Variants in CNTN6 observed in about 807,000 individuals in gnomAD.
CNTN6 encodes contactin-6.
Under a neutral mutation model 122.8 loss-of-function variants are expected in CNTN6, and 137 were observed. The ratio of observed to expected loss-of-function variants is 1.12; its 90% CI spans 0.97 to 1.29. The LOEUF is 1.29. CNTN6 is among the 50% of genes most tolerant of loss of function. CNTN6 has a pLI of 0.00. For synonymous variants in CNTN6, 570 were observed against 426.0 expected (o/e 1.34, Z -4.16); for missense variants, 1,634 against 1,223.4 (o/e 1.34, Z -5.01).
intron 20 of CNTN6, among the ~76,000 whole-genome samples, chr3:1,387,622 C>T (rs546164125): frequency 1.3e-5 from 2 of 152,194 alleles, no homozygotes; most frequent in East Asian, 1.9e-4. Context: ...AGTGAAGACG[C>T]GTGATTTCTG....
intron 11 of CNTN6, among the ~76,000 whole-genome samples, chr3:1,333,068 G>T (rs1702542807): frequency 6.6e-6 from 1 of 152,034 alleles, no homozygotes; most frequent in Admixed American, 6.6e-5. Context: ...ATTTGATTGA[G>T]TATGTATGTG....
At chr3:1,236,848 A>AG (rs962254445) in intron 4 of CNTN6, among the ~76,000 whole-genome samples, 22 of 152,260 alleles carry the variant, frequency 1.4e-4, no homozygotes, top group African/African-American at 4.6e-4. Context: ...TGGGAGGCTG[A>AG]GGCGGGTGGA....
chr3:1,285,979 T>C (rs1043808440), intron 5 of CNTN6, among the ~76,000 whole-genome samples: 4 of 152,178 alleles, frequency 2.6e-5, no homozygotes, highest in Non-Finnish European at 5.9e-5. Context: ...GTCAGCTCTC[T>C]AGAAAGTTTA....
At position 1,152,780 on chromosome 3, in the gene CNTN6, T is replaced by C. The variant is rs138349396; in HGVS notation, c.55+4717T>C. 4.3e-3 allele frequency among the ~76,000 whole-genome samples: 650 copies of C among 152,352 alleles called. 1 individual carries two copies. Among genetic ancestry groups the C allele is most frequent in the Non-Finnish European group, 7.1e-3 (480 of 68,040 alleles). On this transcript the variant is annotated intron_variant, in intron 2 of 22. Coordinates refer to ENST00000446702, the MANE Select transcript of CNTN6 (RefSeq NM_001289080.2). ...ATAATAGGTTGAATCGTGTGCTATA[T>C]CTGTTCTTATGAGTTAACCAGGGTT... is the stretch of plus-strand genomic sequence containing the variant.
chr3:1,119,354 G>GTGTGTGT (rs1339996215), intron 1 of CNTN6, among the ~76,000 whole-genome samples: 4 of 8,824 alleles, frequency 4.5e-4, no homozygotes, highest in African/African-American at 1.1e-3. Context: ...TGTGTGTGTG[G>GTGTGTGT]AGAATGTCTC....
At chr3:1,116,011 C>G (rs1395754927) in intron 1 of CNTN6, among the ~76,000 whole-genome samples, 1 of 152,066 alleles carries the variant, frequency 6.6e-6, no homozygotes, top group Non-Finnish European at 1.5e-5. Flanking sequence ...TATCTTGGAA[C>G]CATAGTGATA....
chr3:1,346,013 C>T (rs1704633343), intron 11 of CNTN6, among the ~76,000 whole-genome samples: 1 of 150,506 alleles, frequency 6.6e-6, no homozygotes, highest in Non-Finnish European at 1.5e-5. Context: ...AGAAATTTAG[C>T]TATTTCTAAT....
intron 5 of CNTN6, among the ~76,000 whole-genome samples, chr3:1,284,633 A>T (rs1352712250): frequency 1.3e-5 from 2 of 152,238 alleles, no homozygotes; most frequent in Non-Finnish European, 2.9e-5. Flanking sequence ...TAGCTCCATG[A>T]ATCTTATAAT....
intron 5 of CNTN6, among the ~76,000 whole-genome samples, chr3:1,294,872 C>T (rs559494383): frequency 3.3e-5 from 5 of 152,270 alleles, no homozygotes; most frequent in African/African-American, 7.2e-5. Context: ...TGGCAATTAG[C>T]AGTAACTGGT....
At chr3:1,157,899 A>G (rs575019615) in intron 2 of CNTN6, among the ~76,000 whole-genome samples, 1 of 152,256 alleles carries the variant, frequency 6.6e-6, no homozygotes, top group East Asian at 1.9e-4. Flanking sequence ...TTATCTGTTG[A>G]TGGATACTTA....
rs768652778 is a variant in CNTN6 at position 1,383,198 on chromosome 3, TTTTC to T, written c.2401+26_2401+29del. 2.5e-6 allele frequency: 4 copies of T among 1,605,456 alleles called. No individual in the cohort carries two copies. The East Asian group carries it at 8.9e-5, about 36-fold the overall frequency. ...GATGGTAAGTTGTCCTCAACTCTGG[TTTTC>T]TTTGAGACTCTATGCATAGTTTGTG... On this transcript the variant is annotated intron_variant, in intron 18 of 22. Transcript: ENST00000446702.
Position 1,373,675 on chromosome 3 carries a change from G to A in CNTN6, c.1858G>A (p.Ala620Thr), listed in dbSNP as rs748532353. The change falls in exon 15 of 23, where the codon GCA becomes ACA. Residue 620 changes from alanine (A) to threonine (T), a missense_variant. By Grantham distance (58) the Ala-to-Thr change is moderately conservative (BLOSUM62 0). Transcript: ENST00000446702. ...SSTTSQLSWR[A>T]GPDNNSPIQI... ...TACTACTTCTCAACTAAGTTGGAGA[G>A]CAGGCCCAGATAATAACAGTCCCAT... The A allele has an allele frequency of 1.2e-6, 2 of 1,613,118 alleles. No individual in the cohort carries two copies. Among genetic ancestry groups the A allele is most frequent in the Non-Finnish European group, 8.5e-7 (1 of 1,179,378 alleles).
intron 5 of CNTN6, among the ~76,000 whole-genome samples, chr3:1,279,539 A>G (rs1243776433): frequency 6.6e-6 from 1 of 152,186 alleles, no homozygotes; most frequent in African/African-American, 2.4e-5. Flanking sequence ...AAATAGAAAG[A>G]TGTTAATTAA....
intron 1 of CNTN6, among the ~76,000 whole-genome samples, chr3:1,144,905 G>A (rs1419225253): frequency 1.3e-5 from 2 of 152,166 alleles, no homozygotes; most frequent in Admixed American, 6.5e-5. Context: ...GAGGTAGCTT[G>A]CGAATGGAAA....
intron 4 of CNTN6, among the ~76,000 whole-genome samples, chr3:1,240,152 A>G (rs1355534916): frequency 2.0e-5 from 3 of 152,202 alleles, no homozygotes; most frequent in African/African-American, 7.2e-5. Flanking sequence ...AAACACAACA[A>G]AAACAAAGAT....
intron 2 of CNTN6, among the ~76,000 whole-genome samples, chr3:1,214,527 C>A (rs1314907511): frequency 6.6e-6 from 1 of 151,766 alleles, no homozygotes; most frequent in Non-Finnish European, 1.5e-5. Context: ...CCAGGCTGGT[C>A]TCAAACTCCT....
intron 17 of CNTN6, among the ~76,000 whole-genome samples, chr3:1,378,774 G>A (rs145480633): frequency 5.9e-5 from 9 of 152,170 alleles, no homozygotes; most frequent in African/African-American, 2.2e-4. Context: ...TTTGAACACA[G>A]GGTTCTCTCT....
chr3:1,187,375 A>AC (rs2093643926), intron 2 of CNTN6, among the ~76,000 whole-genome samples: 1 of 152,084 alleles, frequency 6.6e-6, no homozygotes, highest in African/African-American at 2.4e-5. Flanking sequence ...TGCCTGCTGT[A>AC]CAAAAATCAT....
At chr3:1,156,549 T>C (rs371285371) in intron 2 of CNTN6, among the ~76,000 whole-genome samples, 29 of 152,316 alleles carry the variant, frequency 1.9e-4, no homozygotes, top group East Asian at 7.7e-4. Flanking sequence ...TTTCATCTGA[T>C]CTTGATAGTG....
Sources: gnomAD v4.1 joint callset for allele counts (sites outside exome capture counted in the v4.1 genomes callset) on GRCh38, gnomAD v4.1.1 for gene constraint, MANE v1.5 for transcripts, NCBI Gene and HGNC (gene_info 2026-07-23, HGNC 2026-07-21) for gene names.